FGGY: variants seen among roughly 807,000 people sequenced by gnomAD.
The protein encoded by FGGY is FGGY carbohydrate kinase domain-containing protein.
In FGGY, 72 loss-of-function variants were observed where a neutral mutation model predicts 71.3. The ratio of observed to expected loss-of-function variants is 1.01; its 90% CI spans 0.84 to 1.23. FGGY has a LOEUF of 1.23. FGGY is among the 50% of genes most tolerant of loss of function. FGGY has a pLI of 0.00. For synonymous variants in FGGY, 251 were observed against 250.3 expected (o/e 1.00, Z -0.02); for missense variants, 668 against 682.3 (o/e 0.98, Z 0.23).
chr1:59,602,886 A>T (rs904062345), intron 8 of FGGY, among the ~76,000 whole-genome samples: 8 of 152,086 alleles, frequency 5.3e-5, no homozygotes, highest in African/African-American at 1.9e-4. Context: ...CAGATTAGGA[A>T]CTCCCTGAGG....
chr1:59,673,334 A>C (rs1194785682), intron 13 of FGGY, among the ~76,000 whole-genome samples: 2 of 152,154 alleles, frequency 1.3e-5, no homozygotes, highest in African/African-American at 2.4e-5. Flanking sequence ...GCATGTGGGC[A>C]TCTAGGAGGA....
intron 6 of FGGY, among the ~76,000 whole-genome samples, chr1:59,506,683 C>T (rs2094392409): frequency 6.6e-6 from 1 of 152,130 alleles, no homozygotes; most frequent in Non-Finnish European, 1.5e-5. Context: ...CCCGTAGTCC[C>T]AGCAACTTGA....
At chr1:59,455,346 G>T (rs2091581426) in intron 5 of FGGY, among the ~76,000 whole-genome samples, 1 of 152,184 alleles carries the variant, frequency 6.6e-6, no homozygotes, top group South Asian at 2.1e-4. Context: ...GCATAATGGG[G>T]ATGACTGTTC....
chr1:59,468,803 C>T (rs903239135), intron 6 of FGGY, among the ~76,000 whole-genome samples: 1 of 145,540 alleles, frequency 6.9e-6, no homozygotes, highest in African/African-American at 2.6e-5. Flanking sequence ...ACATGGGAGG[C>T]GGAGCTTGCA....
intron 14 of FGGY, among the ~76,000 whole-genome samples, chr1:59,741,675 C>T (rs947447972): frequency 4.6e-5 from 7 of 151,996 alleles, no homozygotes; most frequent in Admixed American, 1.3e-4. Flanking sequence ...GCGGGCGAGG[C>T]GCGGTGGCTG....
chr1:59,757,484 ATCC>A (rs1378255047), intron 14 of FGGY, among the ~76,000 whole-genome samples: 1 of 152,204 alleles, frequency 6.6e-6, no homozygotes, highest in African/African-American at 2.4e-5. Flanking sequence ...TAAATATTTT[ATCC>A]TCAAGTACAG....
At chr1:59,508,557 G>A (rs2094447893) in intron 6 of FGGY, among the ~76,000 whole-genome samples, 1 of 152,212 alleles carries the variant, frequency 6.6e-6, no homozygotes, top group Admixed American at 6.5e-5. Flanking sequence ...GACAGCTCTA[G>A]TGCCCTCAGT....
intron 11 of FGGY, among the ~76,000 whole-genome samples, chr1:59,658,961 A>T (rs1469395248): frequency 2.0e-5 from 3 of 152,294 alleles, no homozygotes; most frequent in East Asian, 3.9e-4. Context: ...GTGGTTCACA[A>T]CTGTAATCCC....
rs551826363 is a variant in FGGY, at chr1:59,674,779, G to A, written c.1512+646G>A. Among the ~76,000 whole-genome samples, 59 of 152,238 alleles carry A rather than the reference G, an allele frequency of 3.9e-4. 3 individuals carry two copies. In the South Asian group the frequency reaches 0.012, roughly 30 times the overall value. On this transcript the variant is annotated intron_variant, in intron 14 of 15. Transcript: ENST00000303721. ...AAAACTTTTCCTCCCACCAAATTGC[G>A]AAAGACCTTGCACACATGGGGCTTT...
intron 1 of FGGY, among the ~76,000 whole-genome samples, chr1:59,302,871 A>G (rs574733574): frequency 6.6e-6 from 1 of 152,204 alleles, no homozygotes; most frequent in Non-Finnish European, 1.5e-5. Context: ...CCTGTTTAGT[A>G]GGATTCACTA....
At chr1:59,313,804 G>A (rs1455408150) in intron 1 of FGGY, among the ~76,000 whole-genome samples, 1 of 152,144 alleles carries the variant, frequency 6.6e-6, no homozygotes, top group East Asian at 1.9e-4. Context: ...GGGACTCAGT[G>A]GGAAAGAGCG....
intron 14 of FGGY, among the ~76,000 whole-genome samples, chr1:59,675,201 A>G (rs2097424033): frequency 6.6e-6 from 1 of 152,166 alleles, no homozygotes; most frequent in African/African-American, 2.4e-5. Context: ...AGCAGAGTCC[A>G]AATGACTTGC....
intron 2 of FGGY, among the ~76,000 whole-genome samples, chr1:59,324,512 G>A (rs578232067): frequency 2.0e-5 from 3 of 151,862 alleles, no homozygotes; most frequent in South Asian, 2.1e-4. Flanking sequence ...TCCTGACCTC[G>A]TGATCCGCCC....
chr1:59,612,184 C>T (rs372001837), intron 9 of FGGY, among the ~76,000 whole-genome samples: 1 of 152,122 alleles, frequency 6.6e-6, no homozygotes, highest in East Asian at 1.9e-4. Flanking sequence ...AACTCCAAGA[C>T]ACATAATTGT....
intron 5 of FGGY, among the ~76,000 whole-genome samples, chr1:59,383,445 C>T (rs1571384417): frequency 2.0e-5 from 3 of 152,126 alleles, no homozygotes; most frequent in South Asian, 2.1e-4. Context: ...TAAGGCCCCC[C>T]GCCATCTGAA....
intron 5 of FGGY, among the ~76,000 whole-genome samples, chr1:59,379,839 G>A (rs2059168202): frequency 6.6e-6 from 1 of 151,164 alleles, no homozygotes. Context: ...TAGGGTACAT[G>A]TGCACAACCT....
intron 5 of FGGY, among the ~76,000 whole-genome samples, chr1:59,445,209 C>T (rs2070948375): frequency 6.6e-6 from 1 of 152,162 alleles, no homozygotes; most frequent in Admixed American, 6.5e-5. Flanking sequence ...CAACACTCAG[C>T]TTCTGAGGTA....
rs540541535 is a variant in FGGY at position 59,341,907 on chromosome 1, G to A, written c.313+1838G>A. On this transcript the variant is annotated intron_variant, in intron 3 of 15. Transcript: ENST00000303721. ...GTTGATAGTGAGATTTAGAGGCAGA[G>A]TGTGGAGGCTAGAAATCACCGTCCC... 3.3e-5 allele frequency among the ~76,000 whole-genome samples: 5 copies of A among 152,282 alleles called. No individual in the cohort carries two copies. In the South Asian group the frequency reaches 8.3e-4, roughly 25 times the overall value.
At chr1:59,453,187 A>C (rs536120559) in intron 5 of FGGY, among the ~76,000 whole-genome samples, 1 of 152,310 alleles carries the variant, frequency 6.6e-6, no homozygotes, top group South Asian at 2.1e-4. Flanking sequence ...TTTGATTTAA[A>C]GAAACTCAAT....
Sources: allele counts gnomAD v4.1 joint callset (sites outside exome capture counted in the v4.1 genomes callset), GRCh38; gene constraint gnomAD v4.1.1; transcripts MANE v1.5; gene names NCBI Gene and HGNC (gene_info 2026-07-23, HGNC 2026-07-21).